CDX2: variants seen among roughly 807,000 people sequenced by gnomAD.
The protein encoded by CDX2 is caudal type homeobox 2, also known as homeobox protein CDX-2.
CDX2 carries 7 observed loss-of-function variants against 25.5 expected under a neutral mutation model. That is an observed-to-expected ratio of 0.27 (90% CI 0.16 to 0.52). The LOEUF (loss-of-function observed/expected upper bound fraction) is 0.52, where lower values mean the gene tolerates loss of function less well. Ranked by LOEUF, CDX2 falls within the 20% of genes least tolerant of loss-of-function variation. The pLI is 0.97. For synonymous variants in CDX2, 222 were observed against 198.6 expected, an observed-to-expected ratio of 1.12 and a Z score of -0.99; for missense variants, 375 against 431.4, an observed-to-expected ratio of 0.87 and a Z score of 1.16.
intron 1 of CDX2, among the ~76,000 whole-genome samples, chr13:27,965,664 C>G (rs1027207434): frequency 1.3e-5 from 2 of 152,208 alleles, no homozygotes; most frequent in Non-Finnish European, 1.5e-5. Flanking sequence ...GGTACTTTTT[C>G]TTTTTTGATC....
Position 27,961,125 on chromosome 13 carries a change from C to T in CDX2, c.*1990G>A, listed in dbSNP as rs1033820068. ...GGCTTCCTCCTCTGCCCGGCACCCC[C>T]CGACCCCACGCCCCGCACTCCTCCC... On this transcript the variant is annotated 3_prime_UTR_variant, in exon 3 of 3. Coordinates refer to ENST00000381020, the MANE Select transcript of CDX2 (RefSeq NM_001265.6). Among the ~76,000 whole-genome samples, 2 of 152,098 alleles carry T rather than the reference C, an allele frequency of 1.3e-5. No homozygotes were observed.
Position 27,964,323 on chromosome 13 carries a change from C to T in CDX2, c.687+547G>A, listed in dbSNP as rs547024310. 3.9e-5 allele frequency among the ~76,000 whole-genome samples: 6 copies of T among 152,186 alleles called. No homozygotes were observed. Among genetic ancestry groups the T allele is most frequent in the East Asian group, 3.9e-4 (2 of 5,176 alleles). Reference sequence around the variant, plus strand: ...CTGAAGCAGGAGAATCGCTTGAACCCGGGAGGCAGAGGTTGCAGTGAGCTG... The same window carrying T: ...CTGAAGCAGGAGAATCGCTTGAACCTGGGAGGCAGAGGTTGCAGTGAGCTG... On this transcript the variant is annotated intron_variant, in intron 2 of 2. Coordinates refer to ENST00000381020, the MANE Select transcript of CDX2 (RefSeq NM_001265.6). The surrounding 1 kb of genome is among the most constrained non-coding windows in gnomAD (Gnocchi z 4.7).
intron 1 of CDX2, among the ~76,000 whole-genome samples, chr13:27,965,316 T>A (rs1428218551): frequency 6.6e-6 from 1 of 152,006 alleles, no homozygotes; most frequent in South Asian, 2.1e-4. Context: ...GTAAACCAAA[T>A]ACAGTACTGG....
At position 27,969,108 on chromosome 13, in the gene CDX2, C is replaced by T. The variant is rs956080403; in HGVS notation, c.-102G>A. The T allele has an allele frequency of 5.8e-6, 5 of 858,198 alleles. No individual in the cohort carries two copies. The highest frequency in any genetic ancestry group is 3.6e-5 in the African/African-American group (2 of 56,314). The allele number at this position is 858,198 out of a possible 1,614,324, so 53.2% of individuals were successfully genotyped here. ...GAAAGGGGCGAGGGGACTCGAGGAG[C>T]GGCGGGTGGCTGCGCCCCAGCCCGC... On this transcript the variant is annotated 5_prime_UTR_variant, in exon 1 of 3. Coordinates refer to ENST00000381020, the MANE Select transcript of CDX2 (RefSeq NM_001265.6).
At position 27,969,003 on chromosome 13, in the gene CDX2, A is replaced by G; in HGVS notation, c.4T>C (p.Tyr2His). 1.3e-6 allele frequency: 2 copies of G among 1,595,622 alleles called. No homozygotes were observed. Among genetic ancestry groups the G allele is most frequent in the Non-Finnish European group, 1.7e-6 (2 of 1,177,446 alleles). Residue 2 changes from tyrosine to histidine, a missense_variant, in exon 1 of 3, where the codon TAC becomes CAC. Physicochemically the swap from Tyr to His is moderately conservative, Grantham distance 83. Coordinates refer to ENST00000381020, the MANE Select transcript of CDX2 (RefSeq NM_001265.6). The part of the protein sequence containing the change: M[Y>H]VSYLLDKDVS... ...TCCTTGTCCAGGAGGTAGCTCACGT[A>G]CATGGTGGCGAGGGTCCGGGAGCAG...
Position 27,961,620 on chromosome 13 carries a change from C to T in CDX2, c.*1495G>A, listed in dbSNP as rs1869052881. Among the ~76,000 whole-genome samples, 1 of 152,128 alleles carries T rather than the reference C, an allele frequency of 6.6e-6. No homozygotes were observed. The highest frequency in any genetic ancestry group is 2.1e-4 in the South Asian group (1 of 4,820). On this transcript the variant is annotated 3_prime_UTR_variant, in exon 3 of 3. Coordinates refer to ENST00000381020, the MANE Select transcript of CDX2 (RefSeq NM_001265.6). ...GAGAAGAGAGTGGAGGCAGAAAGGG[C>T]TCACGGAAATGCCCAGTGATTTACA...
chr13:27,966,122 C>A (rs1311402373), intron 1 of CDX2, among the ~76,000 whole-genome samples: 1 of 152,260 alleles, frequency 6.6e-6, no homozygotes, highest in Non-Finnish European at 1.5e-5. Context: ...AACACAGCCG[C>A]AAACAATGCA....
chr13:27,963,265 TGGCGGCGGA>T lies in CDX2; in HGVS notation c.783_791del (p.Pro263_Pro265del). ...CTGGCTGAGGCTGGGGAGGCTGTGG[TGGCGGCGGA>T]GGCGGCTGTGGTGGCTGCTGCTGCT... On this transcript the variant is annotated inframe_deletion, in exon 3 of 3. Transcript: ENST00000381020. 6.2e-7 allele frequency: 1 copy of T among 1,614,012 alleles called. No homozygotes were observed. Among genetic ancestry groups the T allele is most frequent in the Non-Finnish European group, 8.5e-7 (1 of 1,179,930 alleles).
Position 27,963,320 on chromosome 13 carries a change from T to G in CDX2, c.737A>C (p.Lys246Thr), listed in dbSNP as rs760835672. The G allele has an allele frequency of 1.9e-6, 3 of 1,613,214 alleles. No homozygotes were observed. The highest frequency in any genetic ancestry group is 2.2e-5 in the South Asian group (2 of 90,998). Residue 246 changes from lysine (K) to threonine (T), a missense_variant, in exon 3 of 3, where the codon AAG becomes ACG. Physicochemically the swap from Lys to Thr is moderately conservative, Grantham distance 78. Around this residue, in one of 3 missense-constraint regions of CDX2, gnomAD observed 64 missense variants for 124.6 expected, o/e 0.51. Coordinates refer to ENST00000381020, the MANE Select transcript of CDX2 (RefSeq NM_001265.6). ...NRRAKERKINKKKLQQQQQQQ... is the reference protein window; with the variant it reads ...NRRAKERKINTKKLQQQQQQQ... ...CTGCTGTTGCTGCTGCAACTTCTTC[T>G]TGTTGATTTTCCTCTCCTTTGCTCT...
At chr13:27,968,362 A>C in intron 1 of CDX2, 104 bp downstream of exon 1, 1 of 1,306,076 alleles carries the variant, frequency 7.7e-7, no homozygotes, top group Non-Finnish European at 9.8e-7. Flanking sequence ...GCTCCCAGAC[A>C]GCCCGGGACG....
At chr13:27,968,421 C>G (rs780281951) in intron 1 of CDX2, 45 bp downstream of exon 1, 4 of 1,441,496 alleles carry the variant, frequency 2.8e-6, no homozygotes, top group Non-Finnish European at 3.6e-6. Context: ...TGGCTCGACC[C>G]GCGCCTTCCC....
chr13:27,967,540 G>C (rs1325006735), intron 1 of CDX2, among the ~76,000 whole-genome samples: 1 of 152,150 alleles, frequency 6.6e-6, no homozygotes, highest in Non-Finnish European at 1.5e-5. Context: ...GCACTTCCTT[G>C]CCACCTCTAG....
Position 27,962,992 on chromosome 13 carries a change from A to T in CDX2, c.*123T>A, listed in dbSNP as rs910746855. The T allele has an allele frequency of 1.2e-5, 15 of 1,219,984 alleles. No homozygotes were observed. The African/African-American group carries it at 2.2e-4, about 18-fold the overall frequency. The allele number at this position is 1,219,984 out of a possible 1,614,324, so 75.6% of individuals were successfully genotyped here. On this transcript the variant is annotated 3_prime_UTR_variant, in exon 3 of 3. Coordinates refer to ENST00000381020, the MANE Select transcript of CDX2 (RefSeq NM_001265.6). ...TCCTGGCTCCCATTTTTCCTCTGAG[A>T]GCCAGGTCTGTAGGTCTATGGCTGT... is the stretch of plus-strand genomic sequence containing the variant.
chr13:27,966,340 C>T (rs1869321519), intron 1 of CDX2, among the ~76,000 whole-genome samples: 1 of 152,216 alleles, frequency 6.6e-6, no homozygotes. Flanking sequence ...AGGGAACTAA[C>T]GCGACTTTCT....
rs1305739628 is a variant in CDX2, at chr13:27,962,441, C to T, written c.*674G>A. The T allele has an allele frequency of 1.3e-5, 3 of 233,070 alleles. No individual in the cohort carries two copies. The highest frequency in any genetic ancestry group is 6.6e-5 in the African/African-American group (3 of 45,434). The allele number at this position is 233,070 out of a possible 1,614,324, so 14.4% of individuals were successfully genotyped here. ...AAGCTCTGGTGACAGGCTCTCTAAACAAGTCCCTGTTCGGGCCCCCTGGTC... is the reference window on the plus strand; with the variant it reads ...AAGCTCTGGTGACAGGCTCTCTAAATAAGTCCCTGTTCGGGCCCCCTGGTC... On this transcript the variant is annotated 3_prime_UTR_variant, in exon 3 of 3. Transcript: ENST00000381020.
In CDX2 at chr13:27,964,736, T is replaced by G; in HGVS notation, c.687+134A>C. On this transcript the variant is annotated intron_variant, in intron 2 of 2. Coordinates refer to ENST00000381020, the MANE Select transcript of CDX2 (RefSeq NM_001265.6). This position sits in a 1 kb window ranked among gnomAD's most constrained non-coding sequence, Gnocchi z 4.7. ...AAAAAAAAAAAAAAAAAAAAAGGAC[T>G]CCAAAGACGAATGCTTGCATCCTCC... 2.7e-6 allele frequency: 1 copy of G among 366,046 alleles called. No homozygotes were observed. The highest frequency in any genetic ancestry group is 5.1e-6 in the Non-Finnish European group (1 of 196,422). 22.7% of individuals were successfully genotyped at this position (366,046 alleles called of 1,614,324 possible). A position where few individuals can be genotyped will look rare whatever the true frequency, so the allele number is the denominator to read the frequency against.
At position 27,961,683 on chromosome 13, in the gene CDX2, AGG is replaced by A. The variant is rs1165357247; in HGVS notation, c.*1430_*1431del. On this transcript the variant is annotated 3_prime_UTR_variant, in exon 3 of 3. Transcript: ENST00000381020. ...CATGGAAATGCTGTCTTGGGAAACTAGGGGGATTTTTTTTAAAAAAAATTTAA... is the reference window on the plus strand; with the variant it reads ...CATGGAAATGCTGTCTTGGGAAACTAGGGATTTTTTTTAAAAAAAATTTAA... Among the ~76,000 whole-genome samples the A allele has an allele frequency of 2.6e-5, 2 of 77,944 alleles. No homozygotes were observed. The highest frequency in any genetic ancestry group is 8.7e-5 in the African/African-American group (2 of 22,936). The allele number at this position is 77,944 out of a possible 152,430, so 51.1% of individuals were successfully genotyped here. A position where few individuals can be genotyped will look rare whatever the true frequency, so the allele number is the denominator to read the frequency against.
In CDX2 at chr13:27,968,661, G is replaced by T. The variant is rs942386047; in HGVS notation, c.346C>A (p.His116Asn). The T allele has an allele frequency of 2.0e-6, 3 of 1,533,484 alleles. No homozygotes were observed. Among genetic ancestry groups the T allele is most frequent in the Non-Finnish European group, 2.6e-6 (3 of 1,144,584 alleles). 95.0% of individuals were successfully genotyped at this position (1,533,484 alleles called of 1,614,324 possible). Residue 116 changes from histidine to asparagine, a missense_variant, in exon 1 of 3, where the codon CAC (histidine) becomes AAC (asparagine). His to Asn is a moderately conservative substitution (Grantham distance 68). Transcript: ENST00000381020. ...GYSSPADYHP[H>N]HHPHHHPHHP... ...TGCGGGTGGTGATGCGGGTGGTGGT[G>T]CGGATGGTAGTCTGCGGGGCTGCTG...
rs1288081796 is a variant in CDX2 at position 27,961,780 on chromosome 13, C to A, written c.*1335G>T. On this transcript the variant is annotated 3_prime_UTR_variant, in exon 3 of 3. Transcript: ENST00000381020. ...AGTCACTGCAGAAGGGAACTGCCTG[C>A]TGTTTGCAAAAAGCCTCCATGTGGA... Among the ~76,000 whole-genome samples the A allele has an allele frequency of 6.6e-6, 1 of 152,110 alleles. No homozygotes were observed. Among genetic ancestry groups the A allele is most frequent in the East Asian group, 1.9e-4 (1 of 5,192 alleles).
Sources: gnomAD v4.1 joint callset for allele counts (sites outside exome capture counted in the v4.1 genomes callset) on GRCh38, gnomAD v4.1.1 for gene constraint, gnomAD v4.1.1 regional missense constraint, Gnocchi (gnomAD v3.1) non-coding constraint, MANE v1.5 for transcripts, NCBI Gene and HGNC (gene_info 2026-07-23, HGNC 2026-07-21) for gene names.